Variants in ZNF280C observed in about 807,000 individuals in gnomAD.
ZNF280C encodes the protein suppressor of hairy wing homolog 3.
A neutral mutation model predicts 53.6 loss-of-function variants in ZNF280C; 14 were observed. The observed-to-expected ratio is 0.26, with a 90% confidence interval of 0.17 to 0.41. The LOEUF is 0.41. ZNF280C is among the 10% of genes least tolerant of loss of function. The probability of loss-of-function intolerance (pLI) is 1.00; values close to 1 mark genes in which losing one functional copy is unlikely to be tolerated. For synonymous variants in ZNF280C, 203 were observed against 181.1 expected, an observed-to-expected ratio of 1.12 and a Z score of -0.97; for missense variants, 416 against 547.1, an observed-to-expected ratio of 0.76 and a Z score of 2.39.
At chrX:130,215,391 A>T in intron 14 of ZNF280C, 58 bp from the exon 15 acceptor site, 1 of 1,030,760 alleles carries the variant, frequency 9.7e-7, no homozygotes, top group Non-Finnish European at 1.3e-6. Context: ...TAACAGGGGA[A>T]AATCTTATTA....
At chrX:130,252,399 T>C (rs900082671) in intron 2 of ZNF280C, among the ~76,000 whole-genome samples, 1 of 111,080 alleles carries the variant, frequency 9.0e-6, no homozygotes, top group African/African-American at 3.3e-5. Context: ...AGGCTATCAA[T>C]AAAATTCAAC....
chrX:130,234,365 G>A (rs1035856900), intron 8 of ZNF280C, among the ~76,000 whole-genome samples: 1 of 111,681 alleles, frequency 9.0e-6, no homozygotes, highest in Non-Finnish European at 1.9e-5. Flanking sequence ...ATGTCCTAAA[G>A]AGCAACACCA....
At chrX:130,234,047 T>C (rs1343416007) in intron 8 of ZNF280C, among the ~76,000 whole-genome samples, 1 of 110,976 alleles carries the variant, frequency 9.0e-6, no homozygotes, top group Non-Finnish European at 1.9e-5. Context: ...ATTAAACCTA[T>C]CAGACCAGTT....
At chrX:130,256,830 T>A (rs1319934454) in intron 2 of ZNF280C, among the ~76,000 whole-genome samples, 3 of 100,559 alleles carry the variant, frequency 3.0e-5, no homozygotes, top group Non-Finnish European at 6.1e-5. Flanking sequence ...ACCCGGGAGG[T>A]AAAGGTGCAG....
intron 2 of ZNF280C, among the ~76,000 whole-genome samples, chrX:130,254,952 CAAT>C (rs952758929): frequency 5.8e-5 from 6 of 102,933 alleles, no homozygotes; most frequent in African/African-American, 2.1e-4. Flanking sequence ...GAGCAAGAGA[CAAT>C]AATAGGATAT....
At chrX:130,247,350 C>T (rs772756624) in intron 2 of ZNF280C, among the ~76,000 whole-genome samples, 6 of 111,108 alleles carry the variant, frequency 5.4e-5, no homozygotes, top group Admixed American at 9.6e-5. Flanking sequence ...TCAAGTGATC[C>T]GCCTGCTTCA....
In ZNF280C at chrX:130,204,043, C is replaced by T. The variant is rs971963607; in HGVS notation, c.*934G>A. ...GAATACTGGATAAAACTTTAAATAA[C>T]ATGAACAACTGTGTCTTTGGGAACT... On this transcript the variant is annotated 3_prime_UTR_variant, in exon 19 of 19. Transcript: ENST00000370978. 1 of 110,995 alleles carries T rather than the reference C, an allele frequency of 9.0e-6. No homozygotes were observed. Among genetic ancestry groups the T allele is most frequent in the Non-Finnish European group, 1.9e-5 (1 of 52,999 alleles). The allele number at this position is 110,995 out of a possible 1,213,427, so 9.1% of individuals were successfully genotyped here. A position where few individuals can be genotyped will look rare whatever the true frequency, so the allele number is the denominator to read the frequency against.
At chrX:130,220,646 G>A (rs2032153463) in intron 12 of ZNF280C, among the ~76,000 whole-genome samples, 166 bp from the exon 13 acceptor site, 1 of 111,682 alleles carries the variant, frequency 9.0e-6, no homozygotes, top group Non-Finnish European at 1.9e-5. Flanking sequence ...CCTTGTGTTA[G>A]TATTTGAGTT....
intron 12 of ZNF280C, among the ~76,000 whole-genome samples, chrX:130,223,397 G>A (rs769287093): frequency 4.5e-4 from 50 of 111,931 alleles, no homozygotes; most frequent in Non-Finnish European, 2.3e-4. Context: ...TGTAATTTCT[G>A]CCTTTAGACC....
chrX:130,254,968 T>C (rs2032550652), intron 2 of ZNF280C, among the ~76,000 whole-genome samples: 1 of 103,277 alleles, frequency 9.7e-6, no homozygotes, highest in South Asian at 4.3e-4. Flanking sequence ...TAGGATATAA[T>C]AAACATCTTT....
intron 15 of ZNF280C, among the ~76,000 whole-genome samples, chrX:130,213,025 G>C (rs2032056216): frequency 8.9e-6 from 1 of 111,836 alleles, no homozygotes; most frequent in African/African-American, 3.3e-5. Flanking sequence ...TGAGGGACTA[G>C]AATAAAATCT....
At chrX:130,263,859 T>A (rs2032657183) in intron 1 of ZNF280C, among the ~76,000 whole-genome samples, 1 of 108,966 alleles carries the variant, frequency 9.2e-6, no homozygotes, top group Non-Finnish European at 1.9e-5. Flanking sequence ...ACCCCGTCTC[T>A]ACTAAAAATA....
At chrX:130,268,556 C>A (rs369984654) in intron 1 of ZNF280C, among the ~76,000 whole-genome samples, 1 of 112,052 alleles carries the variant, frequency 8.9e-6, no homozygotes. Flanking sequence ...AAACCCTCCC[C>A]CTTCAGGGCC....
chrX:130,228,927 G>T, intron 10 of ZNF280C, 50 bp downstream of exon 10: 2 of 1,056,732 alleles, frequency 1.9e-6, no homozygotes, highest in Non-Finnish European at 2.5e-6. Flanking sequence ...CTCACAGTTC[G>T]GATGATCAAA....
rs901254048 is a variant in ZNF280C, at chrX:130,203,259, T to C, written c.*1718A>G. 4 of 111,424 alleles carry C rather than the reference T, an allele frequency of 3.6e-5. No homozygotes were observed. Among genetic ancestry groups the C allele is most frequent in the Non-Finnish European group, 7.5e-5 (4 of 53,104 alleles). The allele number at this position is 111,424 out of a possible 1,213,427, so 9.2% of individuals were successfully genotyped here. ...ATAAAATGGACATCAGCAAATTTCA[T>C]GAATCTGGGACAAAGAAGTGATGGA... is the stretch of plus-strand genomic sequence containing the variant. On this transcript the variant is annotated 3_prime_UTR_variant, in exon 19 of 19. Transcript: ENST00000370978.
At chrX:130,228,611 CT>C (rs1350694026) in intron 10 of ZNF280C, among the ~76,000 whole-genome samples, 1 of 82,878 alleles carries the variant, frequency 1.2e-5, no homozygotes, top group African/African-American at 4.8e-5. Flanking sequence ...CAGTTTTTTT[CT>C]TCTACTTTTT....
chrX:130,209,738 A>T, intron 15 of ZNF280C, 23 bp from the exon 16 acceptor site: 1 of 1,155,048 alleles, frequency 8.7e-7, no homozygotes, highest in Non-Finnish European at 1.2e-6. Context: ...GAGACAAACA[A>T]GATTTTATTA....
At chrX:130,226,686 T>C (rs1423933886) in intron 12 of ZNF280C, 73 bp downstream of exon 12, 8 of 1,014,622 alleles carry the variant, frequency 7.9e-6, no homozygotes, top group Non-Finnish European at 1.1e-5. Context: ...TAGATGTAGC[T>C]ATAGATCTAT....
intron 13 of ZNF280C, among the ~76,000 whole-genome samples, chrX:130,217,011 A>G (rs193020352): frequency 2.7e-5 from 3 of 111,594 alleles, no homozygotes; most frequent in African/African-American, 9.8e-5. Flanking sequence ...AAAACAAAAC[A>G]AAACAAAAGA....
Sources: gnomAD v4.1 joint callset for allele counts (sites outside exome capture counted in the v4.1 genomes callset) on GRCh38, gnomAD v4.1.1 for gene constraint, MANE v1.5 for transcripts, NCBI Gene and HGNC (gene_info 2026-07-23, HGNC 2026-07-21) for gene names.